The following NRXN1 variants were observed in gnomAD, a reference collection of about 807,000 sequenced individuals.
NRXN1 encodes the protein neurexin 1, also known as neurexin-1.
Under a neutral mutation model 150.9 loss-of-function variants are expected in NRXN1, and 39 were observed. That is an observed-to-expected ratio of 0.26 (90% CI 0.20 to 0.34). NRXN1 has a LOEUF of 0.34. Ranked by LOEUF, NRXN1 falls within the 10% of genes least tolerant of loss-of-function variation. The probability of loss-of-function intolerance (pLI) is 1.00; values close to 1 mark genes in which losing one functional copy is unlikely to be tolerated. For missense variants in NRXN1, 1,815 were observed against 1,949.9 expected (o/e 0.93, Z 1.30); for synonymous variants, 924 against 757.0 (o/e 1.22, Z -3.62).
At chr2:50,643,568 G>A (rs1054999265) in intron 5 of NRXN1, among the ~76,000 whole-genome samples, 1 of 151,720 alleles carries the variant, frequency 6.6e-6, no homozygotes, top group Non-Finnish European at 1.5e-5. Flanking sequence ...AATGCATTTA[G>A]TGTTTATCCA....
At chr2:49,994,943 G>A (rs187704354) in intron 21 of NRXN1, among the ~76,000 whole-genome samples, 12 of 152,260 alleles carry the variant, frequency 7.9e-5, no homozygotes, top group Non-Finnish European at 1.3e-4. Flanking sequence ...CCAATGCTGC[G>A]AGAGAATGAA....
intron 17 of NRXN1, among the ~76,000 whole-genome samples, chr2:50,397,135 A>C (rs1409144187): frequency 6.6e-6 from 1 of 152,028 alleles, no homozygotes; most frequent in Non-Finnish European, 1.5e-5. Context: ...CACTGGGCCT[A>C]CTCTACTTTT....
At chr2:50,217,604 C>G (rs546526426) in intron 18 of NRXN1, among the ~76,000 whole-genome samples, 1 of 151,816 alleles carries the variant, frequency 6.6e-6, no homozygotes, top group Non-Finnish European at 1.5e-5. Flanking sequence ...GATGGACAGA[C>G]CGAATTATAA....
rs575152329 is a variant in NRXN1 at position 50,512,865 on chromosome 2, G to C, written c.2375-6248C>G. The stretch of plus-strand genomic sequence containing the variant: ...ACAAAGAACCTCACTGCCATACACA[G>C]TTTCGGAAGCAGTGATGAAACGGGT... On this transcript the variant is annotated intron_variant, in intron 12 of 22. Coordinates refer to ENST00000401669, the MANE Select transcript of NRXN1 (RefSeq NM_001330078.2). 6.6e-5 allele frequency among the ~76,000 whole-genome samples: 10 copies of C among 152,292 alleles called. No individual in the cohort carries two copies. In the East Asian group the frequency reaches 1.9e-3, roughly 29 times the overall value.
chr2:50,963,800 G>C (rs1461887905), intron 2 of NRXN1, among the ~76,000 whole-genome samples: 6 of 151,612 alleles, frequency 4.0e-5, no homozygotes, highest in African/African-American at 9.7e-5. Flanking sequence ...AGTTGTGTTT[G>C]AATAAATGCC....
At chr2:50,235,207 C>T (rs907576642) in intron 18 of NRXN1, among the ~76,000 whole-genome samples, 1 of 152,022 alleles carries the variant, frequency 6.6e-6, no homozygotes. Context: ...GGAGCAAATA[C>T]ATTTTGAAAG....
intron 5 of NRXN1, among the ~76,000 whole-genome samples, chr2:50,800,770 G>A (rs1000825304): frequency 6.6e-6 from 1 of 152,016 alleles, no homozygotes; most frequent in Non-Finnish European, 1.5e-5. Context: ...GCCTGTTCTC[G>A]AACTCCTGAC....
intron 5 of NRXN1, among the ~76,000 whole-genome samples, chr2:50,643,617 C>T (rs889912432): frequency 4.6e-5 from 7 of 151,652 alleles, no homozygotes; most frequent in Middle Eastern, 3.2e-3. Flanking sequence ...TTTACTTTTC[C>T]ACATGTATAA....
At chr2:50,125,703 C>T (rs1409713499) in intron 18 of NRXN1, among the ~76,000 whole-genome samples, 1 of 151,800 alleles carries the variant, frequency 6.6e-6, no homozygotes, top group Non-Finnish European at 1.5e-5. Context: ...GACATGAATA[C>T]CAAGTTGTAG....
intron 18 of NRXN1, among the ~76,000 whole-genome samples, chr2:50,148,963 T>C (rs2058533215): frequency 6.6e-6 from 1 of 151,710 alleles, no homozygotes; most frequent in South Asian, 2.1e-4. Context: ...ACAGTGTGTA[T>C]AATCATCTCT....
At chr2:50,434,298 G>A (rs2085246277) in intron 17 of NRXN1, among the ~76,000 whole-genome samples, 1 of 151,686 alleles carries the variant, frequency 6.6e-6, no homozygotes, top group Non-Finnish European at 1.5e-5. Flanking sequence ...TGGCCAGGAT[G>A]GTCTCGATCT....
intron 5 of NRXN1, among the ~76,000 whole-genome samples, chr2:50,833,463 A>T (rs1671686140): frequency 6.6e-6 from 1 of 152,210 alleles, no homozygotes; most frequent in East Asian, 1.9e-4. Flanking sequence ...GGAATAATAC[A>T]TACCAATAAA....
At chr2:50,233,038 T>C (rs1410104946) in intron 18 of NRXN1, among the ~76,000 whole-genome samples, 1 of 151,986 alleles carries the variant, frequency 6.6e-6, no homozygotes, top group South Asian at 2.1e-4. Flanking sequence ...TATATAGAAA[T>C]TAAAATGTCT....
intron 2 of NRXN1, among the ~76,000 whole-genome samples, chr2:50,977,741 G>C (rs1248756961): frequency 6.6e-6 from 1 of 151,758 alleles, no homozygotes; most frequent in Non-Finnish European, 1.5e-5. Flanking sequence ...ACCAAAGGCA[G>C]TATGCATTTA....
At chr2:50,599,585 A>C (rs1369734570) in intron 8 of NRXN1, among the ~76,000 whole-genome samples, 1 of 152,224 alleles carries the variant, frequency 6.6e-6, no homozygotes, top group Non-Finnish European at 1.5e-5. Flanking sequence ...TTTTAAGTTA[A>C]AGTGAGAAAC....
At chr2:50,569,625 G>T (rs1289723536) in intron 8 of NRXN1, among the ~76,000 whole-genome samples, 1 of 151,968 alleles carries the variant, frequency 6.6e-6, no homozygotes, top group Non-Finnish European at 1.5e-5. Context: ...CTTAAGAACT[G>T]CAATCCATCT....
At chr2:50,318,935 A>G (rs1048612283) in intron 17 of NRXN1, among the ~76,000 whole-genome samples, 2 of 152,180 alleles carry the variant, frequency 1.3e-5, no homozygotes, top group Non-Finnish European at 2.9e-5. Context: ...CATGAATTAT[A>G]TAAGTTTTAA....
At chr2:50,823,873 T>C (rs1670076542) in intron 5 of NRXN1, among the ~76,000 whole-genome samples, 1 of 152,214 alleles carries the variant, frequency 6.6e-6, no homozygotes, top group Non-Finnish European at 1.5e-5. Context: ...AATTCTTGTA[T>C]ATTTCAAATA....
chr2:50,457,221 G>A (rs1447852927), intron 17 of NRXN1, among the ~76,000 whole-genome samples: 2 of 152,064 alleles, frequency 1.3e-5, no homozygotes, highest in Non-Finnish European at 2.9e-5. Context: ...CTGAGCAGTT[G>A]AGGGGAAAAG....
Sources: allele counts gnomAD v4.1 joint callset (sites outside exome capture counted in the v4.1 genomes callset), GRCh38; gene constraint gnomAD v4.1.1; transcripts MANE v1.5; gene names NCBI Gene and HGNC (gene_info 2026-07-23, HGNC 2026-07-21).